CENPP: variants seen among roughly 807,000 people sequenced by gnomAD.
The protein encoded by CENPP is centromere protein P.
In CENPP, 24 loss-of-function variants were observed where a neutral mutation model predicts 35.6. That is an observed-to-expected ratio of 0.67 (90% CI 0.49 to 0.95). CENPP has a LOEUF of 0.95. CENPP is among the 40% of genes least tolerant of loss of function. CENPP has a pLI of 0.00. For synonymous variants in CENPP, 120 were observed against 125.5 expected, an observed-to-expected ratio of 0.96 and a Z score of 0.29; for missense variants, 332 against 345.3, an observed-to-expected ratio of 0.96 and a Z score of 0.31.
At chr9:92,414,310 A>G (rs747840428) in intron 5 of CENPP, 16 of 192,226 alleles carry the variant, frequency 8.3e-5, no homozygotes, top group Non-Finnish European at 1.5e-4. Flanking sequence ...CAAAGCAGTT[A>G]TTTCTTTGCA....
Position 92,416,045 on chromosome 9 carries a change from AT to A in CENPP, c.564+36188del, listed in dbSNP as rs1346400926. The stretch of plus-strand genomic sequence containing the variant: ...ATATTTTTTATATATAAATAAATAT[AT>A]TATATATGTGTGTATATATATATAT... On this transcript the variant is annotated intron_variant, in intron 5 of 7. Coordinates refer to ENST00000375587, the MANE Select transcript of CENPP (RefSeq NM_001012267.3). Among the ~76,000 whole-genome samples, 889 of 104,084 alleles carry A rather than the reference AT, an allele frequency of 8.5e-3. 6 individuals carry two copies. The highest frequency in any genetic ancestry group is 0.038 in the South Asian group (105 of 2,756). The allele number at this position is 104,084 out of a possible 152,430, so 68.3% of individuals were successfully genotyped here.
chr9:92,596,527 A>AGTGT (rs1210529832), intron 5 of CENPP, among the ~76,000 whole-genome samples: 1 of 151,804 alleles, frequency 6.6e-6, no homozygotes, highest in Non-Finnish European at 1.5e-5. Flanking sequence ...GAAGCTAGAA[A>AGTGT]GTGTGGTATT....
chr9:92,473,665 A>AT (rs1251096437), intron 5 of CENPP, among the ~76,000 whole-genome samples: 5 of 151,768 alleles, frequency 3.3e-5, no homozygotes, highest in Admixed American at 2.0e-4. Flanking sequence ...CTTAAGACCC[A>AT]TTTTTTTTCC....
intron 5 of CENPP, among the ~76,000 whole-genome samples, chr9:92,532,232 TCAC>T (rs959014941): frequency 7.2e-5 from 11 of 151,966 alleles, no homozygotes; most frequent in African/African-American, 2.4e-4. Flanking sequence ...TCTAATTTTT[TCAC>T]TTTTAAAAGT....
intron 5 of CENPP, among the ~76,000 whole-genome samples, chr9:92,470,309 G>A (rs138840946): frequency 1.3e-5 from 2 of 152,270 alleles, no homozygotes; most frequent in East Asian, 1.9e-4. Flanking sequence ...GTCTTAACAC[G>A]TTTGGGTAGA....
intron 3 of CENPP, among the ~76,000 whole-genome samples, chr9:92,343,376 C>A (rs962306523): frequency 6.6e-6 from 1 of 152,138 alleles, no homozygotes; most frequent in East Asian, 1.9e-4. Context: ...AGTTGTAAGG[C>A]CATCAGAATT....
intron 4 of CENPP, among the ~76,000 whole-genome samples, chr9:92,364,593 T>G (rs907357898): frequency 1.3e-5 from 2 of 152,190 alleles, no homozygotes; most frequent in African/African-American, 4.8e-5. Context: ...CACAACTCTA[T>G]TCATTTGGCC....
intron 4 of CENPP, among the ~76,000 whole-genome samples, chr9:92,363,352 A>G (rs1379923462): frequency 6.6e-6 from 1 of 152,242 alleles, no homozygotes; most frequent in East Asian, 1.9e-4. Flanking sequence ...GACTGCATAT[A>G]CAAAGGTAGT....
intron 5 of CENPP, among the ~76,000 whole-genome samples, chr9:92,541,016 C>T (rs1031272943): frequency 3.3e-5 from 5 of 152,006 alleles, no homozygotes; most frequent in Non-Finnish European, 7.4e-5. Context: ...AATCCCAGCA[C>T]TTTGGGAGGC....
At chr9:92,566,578 T>A (rs1254957173) in intron 5 of CENPP, among the ~76,000 whole-genome samples, 2 of 152,024 alleles carry the variant, frequency 1.3e-5, no homozygotes, top group African/African-American at 4.8e-5. Context: ...ATAACTGAAA[T>A]GAAAAATTCA....
chr9:92,509,799 T>C (rs996628443), intron 5 of CENPP: 13 of 1,258,068 alleles, frequency 1.0e-5, no homozygotes, highest in Non-Finnish European at 1.3e-5. Context: ...TAAAAATATT[T>C]ACTATTTATT....
chr9:92,563,477 T>C, intron 5 of CENPP, among the ~76,000 whole-genome samples: 1 of 152,198 alleles, frequency 6.6e-6, no homozygotes, highest in African/African-American at 2.4e-5. Context: ...TTAGAGTCAA[T>C]AGTCTATACG....
rs146044903 is a variant in CENPP at position 92,531,920 on chromosome 9, A to AT, written c.565-79388dup. 8.9e-3 allele frequency among the ~76,000 whole-genome samples: 1,301 copies of AT among 146,128 alleles called. 32 individuals carry two copies. Among genetic ancestry groups the AT allele is most frequent in the African/African-American group, 0.032 (1,212 of 38,382 alleles). ...TTTCAGCATTGTGAAGATACGGTTG[A>AT]TTTTTTCCCCCTACACTTTCATTTC... On this transcript the variant is annotated intron_variant, in intron 5 of 7. Coordinates refer to ENST00000375587, the MANE Select transcript of CENPP (RefSeq NM_001012267.3).
chr9:92,438,342 A>G (rs1214264915), intron 5 of CENPP, among the ~76,000 whole-genome samples: 1 of 152,138 alleles, frequency 6.6e-6, no homozygotes, highest in Non-Finnish European at 1.5e-5. Flanking sequence ...ATTTGTTGAA[A>G]GGACAGTTAT....
intron 6 of CENPP, among the ~76,000 whole-genome samples, chr9:92,612,154 C>A (rs1359174017): frequency 6.6e-6 from 1 of 152,246 alleles, no homozygotes; most frequent in Admixed American, 6.5e-5. Flanking sequence ...GCTCAACTGC[C>A]TAGAAATGAA....
At chr9:92,519,119 C>G (rs1462975774) in intron 5 of CENPP, among the ~76,000 whole-genome samples, 1 of 152,088 alleles carries the variant, frequency 6.6e-6, no homozygotes, top group Non-Finnish European at 1.5e-5. Flanking sequence ...CACATTAGTC[C>G]CCTCCTTTCC....
intron 5 of CENPP, among the ~76,000 whole-genome samples, chr9:92,550,819 C>T (rs1193814383): frequency 6.6e-6 from 1 of 152,162 alleles, no homozygotes; most frequent in Non-Finnish European, 1.5e-5. Context: ...GAATCCTGAA[C>T]TCCTCAGGAT....
At chr9:92,456,378 G>A (rs910554033) in intron 5 of CENPP, 3 of 152,368 alleles carry the variant, frequency 2.0e-5, no homozygotes, top group African/African-American at 7.2e-5. Context: ...GTTTCTCAGA[G>A]TTATCCAGTC....
At chr9:92,527,051 C>G (rs1249607229) in intron 5 of CENPP, among the ~76,000 whole-genome samples, 2 of 152,176 alleles carry the variant, frequency 1.3e-5, no homozygotes, top group Non-Finnish European at 2.9e-5. Flanking sequence ...CTCTGCCACC[C>G]AGGCTGGAGT....
Sources: gnomAD v4.1 joint callset for allele counts (sites outside exome capture counted in the v4.1 genomes callset) on GRCh38, gnomAD v4.1.1 for gene constraint, MANE v1.5 for transcripts, NCBI Gene and HGNC (gene_info 2026-07-23, HGNC 2026-07-21) for gene names.